The following CLGN variants were observed in gnomAD, a reference collection of about 807,000 sequenced individuals.
The protein encoded by CLGN is calmegin.
A neutral mutation model predicts 79.1 loss-of-function variants in CLGN; 62 were observed. The observed-to-expected ratio is 0.78, with a 90% confidence interval of 0.64 to 0.97. CLGN has a LOEUF of 0.97. CLGN is among the 50% of genes least tolerant of loss of function. The pLI, the probability that CLGN is intolerant of heterozygous loss-of-function variation, is 0.00. For synonymous variants in CLGN, 225 were observed against 224.7 expected, an observed-to-expected ratio of 1.00 and a Z score of -0.01; for missense variants, 647 against 715.5, an observed-to-expected ratio of 0.90 and a Z score of 1.09.
At chr4:140,422,552 T>C (rs987138155) in intron 1 of CLGN, among the ~76,000 whole-genome samples, 2 of 152,252 alleles carry the variant, frequency 1.3e-5, no homozygotes, top group African/African-American at 4.8e-5. Flanking sequence ...TCCTGTTCAT[T>C]GTTAGTATAC....
At chr4:140,426,851 T>TA (rs1235371664) in intron 1 of CLGN, 4 of 152,232 alleles carry the variant, frequency 2.6e-5, no homozygotes, top group Non-Finnish European at 4.4e-5. Context: ...ATAATGAGTC[T>TA]AGTAATTAGG....
At chr4:140,412,052 T>C (rs1439206369) in intron 2 of CLGN, among the ~76,000 whole-genome samples, 1 of 152,106 alleles carries the variant, frequency 6.6e-6, no homozygotes, top group African/African-American at 2.4e-5. Context: ...AGTAACTGTA[T>C]CCAAGTCAGT....
At chr4:140,407,099 C>T (rs1729122867) in intron 4 of CLGN, among the ~76,000 whole-genome samples, 1 of 152,060 alleles carries the variant, frequency 6.6e-6, no homozygotes, top group Non-Finnish European at 1.5e-5. Flanking sequence ...ATTGTACATA[C>T]ATTTTTAGAC....
intron 5 of CLGN, 106 bp from the exon 6 acceptor site, chr4:140,402,172 A>G: frequency 1.7e-6 from 1 of 571,708 alleles, no homozygotes. Context: ...AAATTTTTTT[A>G]CATTATCAGA....
rs1328660931 is a variant in CLGN, at chr4:140,395,837, G to A, written c.1131C>T (p.Val377=). 4 of 1,511,352 alleles carry A rather than the reference G, an allele frequency of 2.6e-6. No homozygotes were observed. Among genetic ancestry groups the A allele is most frequent in the Admixed American group, 2.4e-5 (1 of 41,862 alleles). 93.6% of individuals were successfully genotyped at this position (1,511,352 alleles called of 1,614,324 possible). A position where few individuals can be genotyped will look rare whatever the true frequency, so the allele number is the denominator to read the frequency against. Residue 377 remains valine (V), a synonymous_variant, in exon 10 of 15, where the codon GTC becomes GTT. Transcript: ENST00000325617. ...TTGTTACCTGATAGTTAGGATTATC[G>A]ACCAGTGGAGGTCTCCATACTCCTT... ...KYKGVWRPPL[V]DNPNYQGIWS...
chr4:140,396,910 TATATATATATATACAC>T lies in CLGN; in HGVS notation c.885-721_885-706del, dbSNP rs1560740067. The stretch of plus-strand genomic sequence containing the variant: ...ATATATGTATATATATATATATGTA[TATATATATATATACAC>T]ATATATATATATACACATAGCTTCA... On this transcript the variant is annotated intron_variant, in intron 8 of 14. Transcript: ENST00000325617. 4.3e-3 allele frequency among the ~76,000 whole-genome samples: 567 copies of T among 132,000 alleles called. 4 individuals are homozygous for T. Among genetic ancestry groups the T allele is most frequent in the African/African-American group, 0.015 (461 of 31,702 alleles). The allele number at this position is 132,000 out of a possible 152,430, so 86.6% of individuals were successfully genotyped here. A position where few individuals can be genotyped will look rare whatever the true frequency, so the allele number is the denominator to read the frequency against.
chr4:140,408,625 A>T (rs186725409), intron 4 of CLGN, among the ~76,000 whole-genome samples: 42 of 152,196 alleles, frequency 2.8e-4, no homozygotes, highest in African/African-American at 8.7e-4. Context: ...CCACAATGAG[A>T]TACTACGTTA....
At chr4:140,425,204 T>C (rs79803623) in intron 1 of CLGN, among the ~76,000 whole-genome samples, 2,033 of 152,266 alleles carry the variant, frequency 0.013, 48 homozygotes, top group African/African-American at 0.047. Flanking sequence ...AGAATGTAAA[T>C]AGAAGACCTG....
chr4:140,419,124 A>G (rs1314411283), intron 1 of CLGN, among the ~76,000 whole-genome samples: 1 of 151,742 alleles, frequency 6.6e-6, no homozygotes, highest in Non-Finnish European at 1.5e-5. Context: ...AACACCGCAT[A>G]TTCTCACTCA....
chr4:140,420,649 T>C (rs1382118702), intron 1 of CLGN, among the ~76,000 whole-genome samples: 1 of 152,104 alleles, frequency 6.6e-6, no homozygotes, highest in African/African-American at 2.4e-5. Context: ...CAATTGAGAA[T>C]TAGATACTGA....
chr4:140,417,153 C>A (rs1231244348), intron 1 of CLGN, among the ~76,000 whole-genome samples: 1 of 144,850 alleles, frequency 6.9e-6, no homozygotes, highest in Non-Finnish European at 1.5e-5. Context: ...TTCAACAACC[C>A]TTCATGCTAA....
chr4:140,393,808 T>C lies in CLGN; in HGVS notation c.1365+18A>G. On this transcript the variant is annotated intron_variant, in intron 11 of 14. Transcript: ENST00000325617. ...TTATTCATAGTTATATCACTACTGC[T>C]ATTGGTCAACACCATACCTTATTAG... 4 of 1,605,086 alleles carry C rather than the reference T, an allele frequency of 2.5e-6. No homozygotes were observed. The highest frequency in any genetic ancestry group is 3.4e-6 in the Non-Finnish European group (4 of 1,172,604).
chr4:140,395,226 G>A (rs1404766823), intron 10 of CLGN, among the ~76,000 whole-genome samples: 1 of 151,446 alleles, frequency 6.6e-6, no homozygotes, highest in Admixed American at 6.6e-5. Context: ...AGCTCACTGC[G>A]ATCTCCACCT....
intron 1 of CLGN, chr4:140,426,637 C>G (rs535582940): frequency 6.6e-6 from 1 of 152,322 alleles, no homozygotes; most frequent in South Asian, 2.1e-4. Flanking sequence ...TTTTAAGCAA[C>G]AAAAAGTTTA....
At chr4:140,409,531 T>G (rs1045588491) in intron 4 of CLGN, among the ~76,000 whole-genome samples, 1 of 151,978 alleles carries the variant, frequency 6.6e-6, no homozygotes, top group Non-Finnish European at 1.5e-5. Flanking sequence ...ATGCTTGAGA[T>G]GAAACCATAG....
chr4:140,396,887 ATATGTATATATATATATATG>A (rs1253543437), intron 8 of CLGN, among the ~76,000 whole-genome samples: 1 of 60,274 alleles, frequency 1.7e-5, no homozygotes, highest in Non-Finnish European at 2.8e-5. Flanking sequence ...ATATATATAT[ATATGTATATATATATATATG>A]TATATATATA....
intron 11 of CLGN, 53 bp downstream of exon 11, chr4:140,393,773 C>G (rs1178525812): frequency 6.0e-6 from 9 of 1,503,254 alleles, no homozygotes; most frequent in Non-Finnish European, 8.3e-6. Context: ...ACAACCAAGA[C>G]CAAGTATTAT....
Position 140,396,874 on chromosome 4 carries a change from C to CATATATAT in CLGN, c.885-677_885-670dup, listed in dbSNP as rs759900454. ...TGCCTGGCTGGAGCATATATATATACATATATATATATATATGTATATATA... is the reference window on the plus strand; with the variant it reads ...TGCCTGGCTGGAGCATATATATATACATATATATATATATATATATATATGTATATATA... On this transcript the variant is annotated intron_variant, in intron 8 of 14. Coordinates refer to ENST00000325617, the MANE Select transcript of CLGN (RefSeq NM_004362.3). 6.4e-5 allele frequency among the ~76,000 whole-genome samples: 7 copies of CATATATAT among 109,542 alleles called. 2 individuals carry two copies. The highest frequency in any genetic ancestry group is 6.6e-4 in the South Asian group (2 of 3,032). The allele number at this position is 109,542 out of a possible 152,430, so 71.9% of individuals were successfully genotyped here.
intron 4 of CLGN, among the ~76,000 whole-genome samples, chr4:140,408,863 A>G (rs1244276299): frequency 8.7e-6 from 1 of 115,448 alleles, no homozygotes; most frequent in Admixed American, 8.7e-5. Context: ...TGATAAGCAT[A>G]TATATATATA....
Sources: allele counts gnomAD v4.1 joint callset (sites outside exome capture counted in the v4.1 genomes callset), GRCh38; gene constraint gnomAD v4.1.1; transcripts MANE v1.5; gene names NCBI Gene and HGNC (gene_info 2026-07-23, HGNC 2026-07-21).